Variants in DOP1A observed in about 807,000 individuals in gnomAD.
DOP1A encodes protein DOP1A.
DOP1A carries 90 observed loss-of-function variants against 267.6 expected under a neutral mutation model. That is an observed-to-expected ratio of 0.34 (90% CI 0.28 to 0.40). The LOEUF is 0.40. DOP1A is among the 10% of genes least tolerant of loss of function. The probability of loss-of-function intolerance (pLI) is 1.00; values close to 1 mark genes in which losing one functional copy is unlikely to be tolerated. For missense variants in DOP1A, 2,437 were observed against 2,900.4 expected (o/e 0.84, Z 3.67); for synonymous variants, 932 against 999.1 (o/e 0.93, Z 1.27).
intron 1 of DOP1A, among the ~76,000 whole-genome samples, chr6:83,074,701 CTAAGT>C (rs1043306708): frequency 6.6e-5 from 10 of 152,236 alleles, no homozygotes; most frequent in South Asian, 2.1e-4. Flanking sequence ...GTAGGCTAGG[CTAAGT>C]AATGATGTAA....
intron 10 of DOP1A, among the ~76,000 whole-genome samples, chr6:83,121,536 A>C (rs1776384910): frequency 1.3e-5 from 2 of 151,704 alleles, no homozygotes; most frequent in Non-Finnish European, 3.0e-5. Context: ...TTGAATACTT[A>C]TTATATTCTA....
chr6:83,135,909 T>C, intron 20 of DOP1A, 31 bp downstream of exon 20: 1 of 1,599,204 alleles, frequency 6.3e-7, no homozygotes, highest in Non-Finnish European at 8.5e-7. Flanking sequence ...GACAGCTTTA[T>C]TTAGAATTAT....
intron 18 of DOP1A, among the ~76,000 whole-genome samples, chr6:83,132,930 G>A (rs1479996901): frequency 6.6e-6 from 1 of 152,060 alleles, no homozygotes; most frequent in Non-Finnish European, 1.5e-5. Context: ...TGGTCTTCCT[G>A]TGCTGCTCTG....
intron 1 of DOP1A, among the ~76,000 whole-genome samples, chr6:83,092,083 G>A (rs1313787474): frequency 6.6e-6 from 1 of 152,026 alleles, no homozygotes; most frequent in African/African-American, 2.4e-5. Context: ...CAGAGTTTAT[G>A]GCCTTACTTG....
At chr6:83,137,138 A>G (rs1352527922) in intron 20 of DOP1A, 35 bp from the exon 21 acceptor site, 2 of 1,491,988 alleles carry the variant, frequency 1.3e-6, no homozygotes, top group Admixed American at 2.3e-5. Flanking sequence ...TGCATTTTGT[A>G]TTTTTCTTCT....
intron 4 of DOP1A, among the ~76,000 whole-genome samples, chr6:83,108,657 A>G (rs1218511330): frequency 6.6e-6 from 1 of 152,162 alleles, no homozygotes; most frequent in Non-Finnish European, 1.5e-5. Context: ...TTGGGGGAGA[A>G]TTCTGTTTTT....
At chr6:83,127,056 AC>A (rs1255402916) in intron 15 of DOP1A, among the ~76,000 whole-genome samples, 1 of 152,012 alleles carries the variant, frequency 6.6e-6, no homozygotes, top group Non-Finnish European at 1.5e-5. Flanking sequence ...TCCAGGTGGG[AC>A]CACTCAGTTG....
At chr6:83,155,583 G>A (rs1782623957) in intron 33 of DOP1A, among the ~76,000 whole-genome samples, 1 of 152,200 alleles carries the variant, frequency 6.6e-6, no homozygotes, top group Non-Finnish European at 1.5e-5. Flanking sequence ...AATGACTTGA[G>A]GAAGGAGAGG....
intron 31 of DOP1A, 88 bp downstream of exon 31, chr6:83,153,708 T>C: frequency 8.1e-7 from 1 of 1,240,044 alleles, no homozygotes. Flanking sequence ...TCTAGAATTA[T>C]CATAAAATGG....
chr6:83,071,252 T>C (rs1054878999), intron 1 of DOP1A, among the ~76,000 whole-genome samples: 1 of 152,150 alleles, frequency 6.6e-6, no homozygotes, highest in East Asian at 1.9e-4. Flanking sequence ...CACTCTGTCA[T>C]CCAGGCTGGA....
intron 1 of DOP1A, among the ~76,000 whole-genome samples, chr6:83,078,371 G>A (rs1448306745): frequency 1.3e-5 from 2 of 152,178 alleles, no homozygotes; most frequent in Non-Finnish European, 2.9e-5. Context: ...TGAGCTTCCA[G>A]CAGGGAACAT....
Position 83,162,790 on chromosome 6 carries a change from G to C in DOP1A, c.6963G>C (p.Met2321Ile). ...LPSENLPQFQ[M>I]YRWAFIPEAS... ...GCTGATGTCATTATTCTATACATAGGTACCGATGGGCCTTTATTCCAGAAG... is the reference window on the plus strand; with the variant it reads ...GCTGATGTCATTATTCTATACATAGCTACCGATGGGCCTTTATTCCAGAAG... The change falls in exon 38 of 39, where the codon ATG becomes ATC. Residue 2321 changes from methionine to isoleucine, a missense_variant and splice_region_variant. This residue lies in a region of DOP1A where 197 missense variants were observed against 246.5 expected (regional missense o/e 0.80). Coordinates refer to ENST00000349129, the MANE Select transcript of DOP1A (RefSeq NM_015018.4). 6.2e-7 allele frequency: 1 copy of C among 1,611,074 alleles called. No homozygotes were observed. The highest frequency in any genetic ancestry group is 1.1e-5 in the South Asian group (1 of 90,716).
At chr6:83,126,223 C>T (rs905525959) in intron 15 of DOP1A, among the ~76,000 whole-genome samples, 1 of 151,252 alleles carries the variant, frequency 6.6e-6, no homozygotes, top group African/African-American at 2.4e-5. Context: ...TGAGCCACAA[C>T]AGTATAAATA....
chr6:83,071,821 G>T (rs1021994819), intron 1 of DOP1A, among the ~76,000 whole-genome samples: 1 of 152,070 alleles, frequency 6.6e-6, no homozygotes, highest in African/African-American at 2.4e-5. Flanking sequence ...TCCTACTAGG[G>T]TACATTAGCC....
intron 4 of DOP1A, 116 bp from the exon 5 acceptor site, chr6:83,108,794 A>T: frequency 1.0e-6 from 1 of 985,888 alleles, no homozygotes; most frequent in Non-Finnish European, 1.4e-6. Flanking sequence ...TATCATTTTT[A>T]AGCCAATCAG....
Position 83,140,418 on chromosome 6 carries a change from A to T in DOP1A, c.5415+15A>T. ...GAGCTACAAAGGTTAGACAATTCATATTTAATCTGTAGAGCTCAAGAGTCT... is the reference window on the plus strand; with the variant it reads ...GAGCTACAAAGGTTAGACAATTCATTTTTAATCTGTAGAGCTCAAGAGTCT... On this transcript the variant is annotated intron_variant, in intron 23 of 38. Coordinates refer to ENST00000349129, the MANE Select transcript of DOP1A (RefSeq NM_015018.4). 1 of 1,582,890 alleles carries T rather than the reference A, an allele frequency of 6.3e-7. No homozygotes were observed. The highest frequency in any genetic ancestry group is 1.2e-5 in the South Asian group (1 of 86,112).
chr6:83,070,437 A>T (rs1187996190), intron 1 of DOP1A, among the ~76,000 whole-genome samples: 4 of 152,160 alleles, frequency 2.6e-5, no homozygotes, highest in Non-Finnish European at 4.4e-5. Flanking sequence ...TATAGTATCA[A>T]ATTTATTAAG....
intron 14 of DOP1A, 33 bp from the exon 15 acceptor site, chr6:83,125,467 T>C: frequency 6.2e-7 from 1 of 1,600,582 alleles, no homozygotes; most frequent in South Asian, 1.1e-5. Flanking sequence ...TTCCACATTG[T>C]TTAAACTTTT....
chr6:83,112,243 A>G (rs988482496), intron 6 of DOP1A, among the ~76,000 whole-genome samples: 5 of 152,152 alleles, frequency 3.3e-5, no homozygotes, highest in Non-Finnish European at 7.4e-5. Flanking sequence ...GGATTTGAAC[A>G]GATAATTAAC....
Sources: allele counts gnomAD v4.1 joint callset (sites outside exome capture counted in the v4.1 genomes callset), GRCh38; gene constraint gnomAD v4.1.1; regional missense constraint gnomAD v4.1.1; transcripts MANE v1.5; gene names NCBI Gene and HGNC (gene_info 2026-07-23, HGNC 2026-07-21).